Variants in PENK observed in about 807,000 individuals in gnomAD.
PENK encodes proenkephalin.
PENK carries 25 observed loss-of-function variants against 24.1 expected under a neutral mutation model. The ratio of observed to expected loss-of-function variants is 1.04; its 90% confidence interval spans 0.76 to 1.45. The LOEUF is 1.45. Among genes scored for constraint, PENK ranks in the 40% most tolerant of loss-of-function variants. PENK has a pLI of 0.00. For missense variants in PENK, 353 were observed against 337.9 expected (o/e 1.04, Z -0.35); for synonymous variants, 135 against 130.3 (o/e 1.04, Z -0.24).
intron 3 of PENK, chr8:56,443,988 G>A (rs747545465): frequency 2.1e-5 from 15 of 702,278 alleles, no homozygotes; most frequent in Admixed American, 1.4e-4. Flanking sequence ...ATTCTGGAAA[G>A]AGCAGCCTTC....
Position 56,441,223 on chromosome 8 carries a change from G to A in PENK, c.*49C>T, listed in dbSNP as rs751743666. 16 of 1,276,348 alleles carry A rather than the reference G, an allele frequency of 1.3e-5. No homozygotes were observed. Among genetic ancestry groups the A allele is most frequent in the Non-Finnish European group, 1.8e-5 (16 of 906,754 alleles). The allele number at this position is 1,276,348 out of a possible 1,614,324, so 79.1% of individuals were successfully genotyped here. ...ACACCATCAACAGTTTCCCACTGGA[G>A]GATGGAGGGAGGCTTGCTGGGGCCT... On this transcript the variant is annotated 3_prime_UTR_variant, in exon 4 of 4. Coordinates refer to ENST00000451791, the MANE Select transcript of PENK (RefSeq NM_001135690.3).
rs942110763 is a variant in PENK at position 56,445,843 on chromosome 8, T to C, written c.111A>G (p.Leu37=). The change falls in exon 3 of 4, where the codon CTA becomes CTG. Residue 37 remains leucine (L), a synonymous_variant. Transcript: ENST00000451791. ...GGAAGTTGATGTCGGCCGGGCGCAC[T>C]AGGCGGTAGCTGCACGTCGCGCAAT... ...SQDCATCSYR[L]VRPADINFLA... 5 of 1,613,366 alleles carry C rather than the reference T, an allele frequency of 3.1e-6. No homozygotes were observed. In the South Asian group the frequency reaches 4.4e-5, roughly 14 times the overall value.
chr8:56,445,708 C>T (rs772065558), intron 3 of PENK, 108 bp downstream of exon 3: 4 of 1,443,030 alleles, frequency 2.8e-6, no homozygotes, highest in East Asian at 2.3e-5. Flanking sequence ...GGCTCCGACC[C>T]GGTGCGAACC....
Position 56,441,756 on chromosome 8 carries a change from T to C in PENK, c.320A>G (p.Tyr107Cys). The change falls in exon 4 of 4, where the codon TAT becomes TGT. Residue 107 changes from tyrosine to cysteine, a missense_variant. By Grantham distance (194) the Tyr-to-Cys change is radical (BLOSUM62 -2). Coordinates refer to ENST00000451791, the MANE Select transcript of PENK (RefSeq NM_001135690.3). Reference sequence around the variant, plus strand: ...ATCCATTTTCTTCATGAAGCCTCCATACCTTTTCATGAAGCCCCCATACCT... The same window carrying C: ...ATCCATTTTCTTCATGAAGCCTCCACACCTTTTCATGAAGCCCCCATACCT... ...AKRYGGFMKR[Y>C]GGFMKKMDEL... The C allele has an allele frequency of 6.2e-7, 1 of 1,609,454 alleles. No individual in the cohort carries two copies. The highest frequency in any genetic ancestry group is 8.5e-7 in the Non-Finnish European group (1 of 1,179,798).
chr8:56,441,541 C>A lies in PENK; in HGVS notation c.535G>T (p.Glu179Ter). 1 of 1,613,566 alleles carries A rather than the reference C, an allele frequency of 6.2e-7. No individual in the cohort carries two copies. Among genetic ancestry groups the A allele is most frequent in the Non-Finnish European group, 8.5e-7 (1 of 1,179,950 alleles). Reference protein sequence around the residue: ...RSHHQDGSDNEEEVSKRYGGF... With the variant: ...RSHHQDGSDN ...CCATATCTCTTGCTCACTTCTTCCT[C>A]ATTATCACTGCCATCCTGGTGGTGG... Residue 179 changes from glutamate (E) to a stop codon, truncating the protein, a stop_gained, in exon 4 of 4, where the codon GAG (glutamate) becomes TAG (stop). Transcript: ENST00000451791. LOFTEE classifies it high-confidence loss of function.
At position 56,441,174 on chromosome 8, in the gene PENK, A is replaced by C; in HGVS notation, c.*98T>G. The C allele has an allele frequency of 2.4e-6, 2 of 829,960 alleles. No individual in the cohort carries two copies. The highest frequency in any genetic ancestry group is 3.9e-6 in the Non-Finnish European group (2 of 516,002). The allele number at this position is 829,960 out of a possible 1,614,324, so 51.4% of individuals were successfully genotyped here. On this transcript the variant is annotated 3_prime_UTR_variant, in exon 4 of 4. Transcript: ENST00000451791. Reference sequence around the variant, plus strand: ...TCCAGACAATGAAGTCAACTATACAAGGCAAGCAACACATGACAATAAAAC... The same window carrying C: ...TCCAGACAATGAAGTCAACTATACACGGCAAGCAACACATGACAATAAAAC...
intron 2 of PENK, 145 bp from the exon 3 acceptor site, chr8:56,446,101 G>A: frequency 1.1e-6 from 1 of 900,376 alleles, no homozygotes; most frequent in South Asian, 1.8e-5. Flanking sequence ...CCGCCCTCCC[G>A]GCCGACAGCT....
intron 3 of PENK, chr8:56,445,403 G>GATGACTGC (rs1175215956): frequency 2.3e-6 from 1 of 433,746 alleles, no homozygotes; most frequent in Non-Finnish European, 4.1e-6. Context: ...AAGATGGGAA[G>GATGACTGC]ATGACTGCGT....
chr8:56,444,365 C>T (rs1315933938), intron 3 of PENK, among the ~76,000 whole-genome samples: 3 of 152,126 alleles, frequency 2.0e-5, no homozygotes, highest in African/African-American at 7.2e-5. Context: ...GGGCTGAGCC[C>T]CTGACATGTT....
intron 3 of PENK, chr8:56,443,944 G>A: frequency 1.4e-6 from 1 of 701,506 alleles, no homozygotes. Flanking sequence ...AGTAATAAGT[G>A]ATAACAACAA....
Position 56,441,501 on chromosome 8 carries a change from C to T in PENK, c.575G>A (p.Gly192Asp). The change falls in exon 4 of 4, where the codon GGC (glycine) becomes GAC (aspartate). Residue 192 changes from glycine (G) to aspartate (D), a missense_variant. By Grantham distance (94) the Gly-to-Asp change is moderately conservative. Coordinates refer to ENST00000451791, the MANE Select transcript of PENK (RefSeq NM_001135690.3). ...VSKRYGGFMRGLKRSPQLEDE... is the reference protein window; with the variant it reads ...VSKRYGGFMRDLKRSPQLEDE... The stretch of plus-strand genomic sequence containing the variant: ...TTCCAGTTGGGGGCTTCTCTTTAAG[C>T]CTCTCATGAAGCCCCCATATCTCTT... 6.2e-7 allele frequency: 1 copy of T among 1,613,562 alleles called. No individual in the cohort carries two copies. The highest frequency in any genetic ancestry group is 1.1e-5 in the South Asian group (1 of 91,054).
At chr8:56,445,044 C>T (rs1272854043) in intron 3 of PENK, among the ~76,000 whole-genome samples, 1 of 151,418 alleles carries the variant, frequency 6.6e-6, no homozygotes, top group African/African-American at 2.5e-5. Context: ...CTTTCCCCAA[C>T]CCCCTGTAGT....
Position 56,441,931 on chromosome 8 carries a change from C to G in PENK, c.145G>C (p.Val49Leu). The G allele has an allele frequency of 6.2e-7, 1 of 1,604,686 alleles. No individual in the cohort carries two copies. Among genetic ancestry groups the G allele is most frequent in the South Asian group, 1.1e-5 (1 of 90,018 alleles). The part of the protein sequence containing the change: ...RPADINFLAC[V>L]MECEGKLPSL... ...GGCAGTTTACCTTCACATTCCATTA[C>G]GCAAGCCTGGGAAAACAATTTGATG... Residue 49 changes from valine to leucine, a missense_variant, in exon 4 of 4, where the codon GTA becomes CTA. By Grantham distance (32) the Val-to-Leu change is conservative. Transcript: ENST00000451791.
intron 3 of PENK, chr8:56,444,132 C>A: frequency 2.0e-6 from 1 of 508,316 alleles, no homozygotes; most frequent in Non-Finnish European, 3.5e-6. Context: ...CTCAACAATG[C>A]AAAAGGAAGA....
Position 56,445,890 on chromosome 8 carries a change from CG to C in PENK, c.63del (p.Val22CysfsTer16). On this transcript the variant is annotated frameshift_variant, in exon 3 of 4. Transcript: ENST00000451791. LOFTEE classifies it high-confidence loss of function. ...CAATCCTGGCTGCATTCGGCCCGCA[CG>C]GTCGCCAGGAGCCCGGGGCCGAGCA... is the stretch of plus-strand genomic sequence containing the variant. ...LLLLGPGLLA[T>X]VRAECSQDCA... 1 of 1,612,894 alleles carries C rather than the reference CG, an allele frequency of 6.2e-7. No homozygotes were observed. The highest frequency in any genetic ancestry group is 8.5e-7 in the Non-Finnish European group (1 of 1,179,824).
chr8:56,444,079 C>T, intron 3 of PENK: 1 of 669,180 alleles, frequency 1.5e-6, no homozygotes. Context: ...AGGTGATACC[C>T]AGGGAAGAGC....
intron 3 of PENK, chr8:56,445,530 T>A: frequency 1.7e-6 from 1 of 599,696 alleles, no homozygotes; most frequent in Non-Finnish European, 3.0e-6. Flanking sequence ...CTTCTCGGGG[T>A]TCCCGAATTC....
intron 3 of PENK, among the ~76,000 whole-genome samples, chr8:56,444,395 T>C (rs754330907): frequency 6.6e-6 from 1 of 152,186 alleles, no homozygotes; most frequent in African/African-American, 2.4e-5. Context: ...AAGCTCAAAA[T>C]ATGTGTGACT....
At position 56,441,841 on chromosome 8, in the gene PENK, C is replaced by T. The variant is rs1449311309; in HGVS notation, c.235G>A (p.Asp79Asn). The part of the protein sequence containing the change: ...LQLSKPELPQ[D>N]GTSTLRENSK... ...TTTTCTCTGAGGGTGCTGGTGCCAT[C>T]TTGAGGAAGCTCTGGTTTGGACAGC... Residue 79 changes from aspartate (D) to asparagine (N), a missense_variant, in exon 4 of 4, where the codon GAT (aspartate) becomes AAT (asparagine). Transcript: ENST00000451791. 1 of 1,614,064 alleles carries T rather than the reference C, an allele frequency of 6.2e-7. No individual in the cohort carries two copies. The highest frequency in any genetic ancestry group is 1.3e-5 in the African/African-American group (1 of 74,922).
Sources: gnomAD v4.1 joint callset for allele counts (sites outside exome capture counted in the v4.1 genomes callset) on GRCh38, gnomAD v4.1.1 for gene constraint, MANE v1.5 for transcripts, NCBI Gene and HGNC (gene_info 2026-07-23, HGNC 2026-07-21) for gene names.